Variants in ADARB2 observed in about 807,000 individuals in gnomAD.
ADARB2 encodes inactive double-stranded RNA-specific editase B2.
In ADARB2, 25 loss-of-function variants were observed where a neutral mutation model predicts 62.2. The ratio of observed to expected loss-of-function variants is 0.40; its 90% confidence interval spans 0.29 to 0.56. The LOEUF (loss-of-function observed/expected upper bound fraction) is 0.56. ADARB2 is among the 20% of genes least tolerant of loss of function. ADARB2 has a pLI of 0.43. For synonymous variants in ADARB2, 572 were observed against 500.8 expected, an observed-to-expected ratio of 1.14 and a Z score of -1.90; for missense variants, 1,071 against 1,077.4, an observed-to-expected ratio of 0.99 and a Z score of 0.08.
intron 1 of ADARB2, among the ~76,000 whole-genome samples, chr10:1,437,629 T>C (rs532118358): frequency 9.9e-5 from 15 of 152,028 alleles, no homozygotes; most frequent in Non-Finnish European, 2.2e-4. Flanking sequence ...GCAAGAAATA[T>C]GGGAAGAAGG....
intron 1 of ADARB2, among the ~76,000 whole-genome samples, chr10:1,571,174 C>T (rs1328611467): frequency 6.6e-6 from 1 of 152,142 alleles, no homozygotes; most frequent in Non-Finnish European, 1.5e-5. Context: ...TTCTTGAAGG[C>T]CCTCGCATTT....
At chr10:1,407,759 G>A (rs961003017) in intron 1 of ADARB2, among the ~76,000 whole-genome samples, 5 of 152,146 alleles carry the variant, frequency 3.3e-5, no homozygotes, top group Non-Finnish European at 7.4e-5. Context: ...CCCACCTCCA[G>A]GATGGAAGAT....
intron 4 of ADARB2, among the ~76,000 whole-genome samples, chr10:1,259,387 T>C (rs1008124898): frequency 6.6e-6 from 1 of 151,896 alleles, no homozygotes; most frequent in African/African-American, 2.4e-5. Context: ...ATCAACAAAA[T>C]TGATAGACCT....
chr10:1,400,078 G>A (rs1263432314), intron 1 of ADARB2, among the ~76,000 whole-genome samples: 81 of 152,228 alleles, frequency 5.3e-4, no homozygotes, highest in Non-Finnish European at 2.6e-4. Context: ...AGCATGAACC[G>A]CAGATGGAAT....
At chr10:1,394,696 A>C (rs1387001393) in intron 1 of ADARB2, among the ~76,000 whole-genome samples, 6 of 152,144 alleles carry the variant, frequency 3.9e-5, no homozygotes, top group African/African-American at 1.4e-4. Context: ...CACTGCATGA[A>C]GTCACTGACA....
intron 1 of ADARB2, among the ~76,000 whole-genome samples, chr10:1,618,306 C>T (rs1398026890): frequency 3.3e-5 from 5 of 152,132 alleles, no homozygotes; most frequent in Non-Finnish European, 5.9e-5. Flanking sequence ...CATTCAACAA[C>T]CCCAAATTAT....
At chr10:1,185,184 C>A in intron 8 of ADARB2, 145 bp from the exon 9 acceptor site, 1 of 1,134,034 alleles carries the variant, frequency 8.8e-7, no homozygotes, top group South Asian at 1.7e-5. Flanking sequence ...GTTCACGTGT[C>A]ACCCGCAGGG....
At chr10:1,724,062 G>T (rs1422322302) in intron 1 of ADARB2, among the ~76,000 whole-genome samples, 4 of 152,204 alleles carry the variant, frequency 2.6e-5, no homozygotes, top group Non-Finnish European at 5.9e-5. Context: ...CAAAATTCAT[G>T]CATTTAAGTC....
intron 8 of ADARB2, among the ~76,000 whole-genome samples, chr10:1,195,963 G>C (rs187103465): frequency 6.6e-6 from 1 of 152,248 alleles, no homozygotes; most frequent in East Asian, 1.9e-4. Context: ...AAACCAGCTG[G>C]AATCTTCCCT....
chr10:1,593,967 C>T (rs57195327), intron 1 of ADARB2, among the ~76,000 whole-genome samples: 4,537 of 152,224 alleles, frequency 0.03, 225 homozygotes, highest in African/African-American at 0.1. Context: ...CAGTCAGCTG[C>T]GGCTTGTCCT....
intron 1 of ADARB2, among the ~76,000 whole-genome samples, chr10:1,400,152 G>A (rs1426055937): frequency 6.6e-6 from 1 of 152,220 alleles, no homozygotes; most frequent in African/African-American, 2.4e-5. Context: ...ACAGGCTCCA[G>A]GGCTCTGCCT....
chr10:1,716,538 C>T (rs1393246863), intron 1 of ADARB2, among the ~76,000 whole-genome samples: 1 of 152,146 alleles, frequency 6.6e-6, no homozygotes, highest in Non-Finnish European at 1.5e-5. Context: ...TCATTCCCTC[C>T]AAAACAGTTG....
At chr10:1,380,453 G>T (rs1832473155) in intron 1 of ADARB2, among the ~76,000 whole-genome samples, 1 of 152,238 alleles carries the variant, frequency 6.6e-6, no homozygotes, top group African/African-American at 2.4e-5. Flanking sequence ...GCCCCACCGT[G>T]GCACTGTATA....
chr10:1,224,146 G>A (rs897901697), intron 6 of ADARB2, among the ~76,000 whole-genome samples: 1 of 152,158 alleles, frequency 6.6e-6, no homozygotes, highest in African/African-American at 2.4e-5. Flanking sequence ...TCCTTGTTTA[G>A]TCTTGGGAGG....
chr10:1,232,967 CAT>C (rs1490297114), intron 6 of ADARB2, among the ~76,000 whole-genome samples: 1 of 151,920 alleles, frequency 6.6e-6, no homozygotes, highest in Non-Finnish European at 1.5e-5. Context: ...ATGTGTGTGA[CAT>C]ATGCAGATAG....
rs373343435 is a variant in ADARB2, at chr10:1,532,472, C to T, written c.101-153312G>A. Among the ~76,000 whole-genome samples the T allele has an allele frequency of 1.2e-3, 183 of 152,208 alleles. 1 individual carries two copies. Among genetic ancestry groups the T allele is most frequent in the Middle Eastern group, 3.4e-3 (1 of 294 alleles). ...TCCTGTTTGTGGAGCCTCAGTGGCC[C>T]GTCCCTGTGTCCTTCTGCTGTGGGC... is the stretch of plus-strand genomic sequence containing the variant. On this transcript the variant is annotated intron_variant, in intron 1 of 9. Transcript: ENST00000381312.
intron 3 of ADARB2, among the ~76,000 whole-genome samples, chr10:1,286,672 A>T (rs1831416918): frequency 6.6e-6 from 1 of 152,116 alleles, no homozygotes; most frequent in African/African-American, 2.4e-5. Flanking sequence ...GGGGTCTCTG[A>T]GCCACGGGTT....
chr10:1,248,128 C>T lies in ADARB2; in HGVS notation c.1193-5829G>A, dbSNP rs766512967. 2.0e-5 allele frequency among the ~76,000 whole-genome samples: 3 copies of T among 152,324 alleles called. No homozygotes were observed. The East Asian group carries it at 5.8e-4, about 29-fold the overall frequency. ...AGACAGGATGGGGCAGCAAAGACGC[C>T]AGGCGAGGGGAGGCTGTACTGAGGT... On this transcript the variant is annotated intron_variant, in intron 4 of 9. Transcript: ENST00000381312.
chr10:1,233,536 C>T (rs963905272), intron 6 of ADARB2, among the ~76,000 whole-genome samples, 158 bp downstream of exon 6: 1 of 152,148 alleles, frequency 6.6e-6, no homozygotes, highest in East Asian at 1.9e-4. Flanking sequence ...ATTTTGGAGG[C>T]ATGGTTATCC....
Sources: gnomAD v4.1 joint callset for allele counts (sites outside exome capture counted in the v4.1 genomes callset) on GRCh38, gnomAD v4.1.1 for gene constraint, MANE v1.5 for transcripts, NCBI Gene and HGNC (gene_info 2026-07-23, HGNC 2026-07-21) for gene names.